CCDC30: variants seen among roughly 807,000 people sequenced by gnomAD.
CCDC30 encodes the protein coiled-coil domain-containing protein 30.
A neutral mutation model predicts 100.2 loss-of-function variants in CCDC30; 70 were observed. That is an observed-to-expected ratio of 0.70 (90% confidence interval 0.58 to 0.85). The LOEUF is 0.85. Ranked by LOEUF, CCDC30 falls within the 40% of genes least tolerant of loss-of-function variation. The probability of loss-of-function intolerance (pLI) is 0.00; values close to 1 mark genes in which losing one functional copy is unlikely to be tolerated. For missense variants in CCDC30, 652 were observed against 771.2 expected (o/e 0.85, Z 1.83); for synonymous variants, 233 against 269.5 (o/e 0.86, Z 1.33).
intron 6 of CCDC30, among the ~76,000 whole-genome samples, chr1:42,560,586 G>A (rs921675709): frequency 6.6e-6 from 1 of 152,018 alleles, no homozygotes; most frequent in Admixed American, 6.6e-5. Flanking sequence ...GGCCAGGCTG[G>A]TCTCGAACAC....
intron 11 of CCDC30, among the ~76,000 whole-genome samples, chr1:42,621,938 C>T (rs1445590358): frequency 6.6e-6 from 1 of 152,166 alleles, no homozygotes; most frequent in Non-Finnish European, 1.5e-5. Context: ...TGAGCCACTG[C>T]AACTGGTCTG....
exon 10 of CCDC30, chr1:42,589,353 A>G (rs1432281197): frequency 6.2e-7 from 1 of 1,612,164 alleles, no homozygotes; most frequent in South Asian, 1.1e-5. Flanking sequence ...GATGAGTTAC[A>G]CAGGCAAGTG....
chr1:42,549,755 T>A (rs1484477181), intron 6 of CCDC30, among the ~76,000 whole-genome samples: 1 of 152,216 alleles, frequency 6.6e-6, no homozygotes, highest in East Asian at 1.9e-4. Context: ...TTGCACTATC[T>A]TGCAACTGAA....
intron 6 of CCDC30, among the ~76,000 whole-genome samples, chr1:42,502,549 C>T (rs368024583): frequency 5.3e-5 from 8 of 152,298 alleles, no homozygotes; most frequent in South Asian, 2.1e-4. Context: ...CCATCTTCTG[C>T]GTCGCTCATG....
intron 4 of CCDC30, among the ~76,000 whole-genome samples, chr1:42,496,126 TGTG>T (rs1644228737): frequency 6.9e-5 from 1 of 14,572 alleles, no homozygotes; most frequent in Non-Finnish European, 3.2e-4. Context: ...TTGTGGAGTG[TGTG>T]TGTGTGTGTG....
At chr1:42,562,438 C>G (rs1403101061) in intron 6 of CCDC30, among the ~76,000 whole-genome samples, 3 of 152,156 alleles carry the variant, frequency 2.0e-5, no homozygotes. Flanking sequence ...TTCCTGACAC[C>G]TTAAACAAAA....
At chr1:42,553,932 A>G (rs1645311598) in intron 6 of CCDC30, among the ~76,000 whole-genome samples, 1 of 152,170 alleles carries the variant, frequency 6.6e-6, no homozygotes, top group Non-Finnish European at 1.5e-5. Flanking sequence ...AAAAGGAATA[A>G]AACACTCCCT....
At chr1:42,473,418 C>A in intron 1 of CCDC30, 1 of 560,388 alleles carries the variant, frequency 1.8e-6, no homozygotes, top group Non-Finnish European at 2.7e-6. Context: ...TTGAAAAGCA[C>A]CCACGTGTAG....
intron 11 of CCDC30, among the ~76,000 whole-genome samples, chr1:42,611,689 T>G (rs1454717013): frequency 6.6e-6 from 1 of 152,116 alleles, no homozygotes; most frequent in Non-Finnish European, 1.5e-5. Flanking sequence ...AAAAAAATTC[T>G]TTTTTCAGAT....
chr1:42,650,117 A>G (rs1241974317), intron 15 of CCDC30, among the ~76,000 whole-genome samples: 1 of 152,194 alleles, frequency 6.6e-6, no homozygotes, highest in Non-Finnish European at 1.5e-5. Context: ...GTGGAACTAC[A>G]AAACCCCCAA....
At chr1:42,559,020 A>G (rs971816330) in intron 6 of CCDC30, among the ~76,000 whole-genome samples, 2 of 152,230 alleles carry the variant, frequency 1.3e-5, no homozygotes, top group African/African-American at 4.8e-5. Flanking sequence ...TTTTCAACCC[A>G]GAATTTCATA....
downstream of CCDC30, among the ~76,000 whole-genome samples, chr1:42,655,461 C>G (rs948541825): frequency 6.6e-6 from 1 of 152,034 alleles, no homozygotes. Context: ...GCAGGAGAAT[C>G]ACTTGAACCC....
chr1:42,456,260 C>A, the CCDC30 span: 1 of 600,680 alleles, frequency 1.7e-6, no homozygotes, highest in Non-Finnish European at 3.0e-6. Context: ...CAGAAAGGCC[C>A]GTACAGTGGC....
At chr1:42,500,245 T>C in intron 6 of CCDC30, 1 of 1,608,134 alleles carries the variant, frequency 6.2e-7, no homozygotes, top group Non-Finnish European at 8.5e-7. Context: ...AATCGTTTCT[T>C]TGGAAGGCAG....
chr1:42,542,570 G>T, intron 6 of CCDC30, among the ~76,000 whole-genome samples: 1 of 72,862 alleles, frequency 1.4e-5, no homozygotes, highest in Non-Finnish European at 2.8e-5. Flanking sequence ...TTGAGACGGA[G>T]TCTCGCTCTG....
At chr1:42,500,446 C>A in intron 6 of CCDC30, 1 of 733,810 alleles carries the variant, frequency 1.4e-6, no homozygotes, top group Non-Finnish European at 2.4e-6. Flanking sequence ...CAGAGTCTCG[C>A]TCTGTCGCCC....
intron 6 of CCDC30, among the ~76,000 whole-genome samples, chr1:42,563,378 C>A (rs114863488): frequency 6.6e-6 from 1 of 152,046 alleles, no homozygotes; most frequent in African/African-American, 2.4e-5. Flanking sequence ...ACTACATGTT[C>A]TCTCACTCAT....
intron 11 of CCDC30, among the ~76,000 whole-genome samples, chr1:42,631,939 T>C (rs1269550970): frequency 2.0e-5 from 3 of 152,188 alleles, no homozygotes; most frequent in Non-Finnish European, 4.4e-5. Flanking sequence ...CCTGGAATCA[T>C]AGACCCCAAG....
chr1:42,640,821 C>T (rs533540069), intron 12 of CCDC30, among the ~76,000 whole-genome samples: 16 of 151,766 alleles, frequency 1.1e-4, no homozygotes, highest in Middle Eastern at 3.4e-3. Context: ...TTGAACCCAG[C>T]GGGCAGAGGT....
Sources: allele counts gnomAD v4.1 joint callset (sites outside exome capture counted in the v4.1 genomes callset), GRCh38; gene constraint gnomAD v4.1.1; transcripts MANE v1.5; gene names NCBI Gene and HGNC (gene_info 2026-07-23, HGNC 2026-07-21).